ERC2: variants seen among roughly 807,000 people sequenced by gnomAD.
ERC2 encodes the protein ERC protein 2.
ERC2 carries 42 observed loss-of-function variants against 114.8 expected under a neutral mutation model. The ratio of observed to expected loss-of-function variants is 0.37; its 90% CI spans 0.29 to 0.47. The LOEUF (loss-of-function observed/expected upper bound fraction) is 0.47, where lower values mean the gene tolerates loss of function less well. Ranked by LOEUF, ERC2 falls within the 20% of genes least tolerant of loss-of-function variation. The pLI is 0.99. For synonymous variants in ERC2, 454 were observed against 425.5 expected, an observed-to-expected ratio of 1.07 and a Z score of -0.82; for missense variants, 939 against 1,150.7, an observed-to-expected ratio of 0.82 and a Z score of 2.66.
At chr3:55,564,554 A>T (rs891834326) in intron 17 of ERC2, among the ~76,000 whole-genome samples, 1 of 152,186 alleles carries the variant, frequency 6.6e-6, no homozygotes, top group Non-Finnish European at 1.5e-5. Context: ...TGTCCACTCC[A>T]CTAAGTACAC....
chr3:56,185,494 G>A (rs532501896), intron 3 of ERC2, among the ~76,000 whole-genome samples: 8 of 152,184 alleles, frequency 5.3e-5, no homozygotes, highest in Non-Finnish European at 1.0e-4. Context: ...TATACCCAGA[G>A]CCTCATCCAT....
intron 12 of ERC2, among the ~76,000 whole-genome samples, chr3:55,981,121 A>G (rs1576443729): frequency 6.6e-6 from 1 of 152,258 alleles, no homozygotes; most frequent in East Asian, 1.9e-4. Context: ...CTACGCCTCA[A>G]GGGTTCAAAA....
At chr3:55,911,235 C>A (rs1237641411) in intron 13 of ERC2, among the ~76,000 whole-genome samples, 3 of 152,144 alleles carry the variant, frequency 2.0e-5, no homozygotes, top group Admixed American at 2.0e-4. Context: ...GGGAAATAAA[C>A]CCAAATTGCT....
chr3:56,448,946 G>C (rs1174003358), intron 1 of ERC2, among the ~76,000 whole-genome samples: 1 of 151,900 alleles, frequency 6.6e-6, no homozygotes, highest in Non-Finnish European at 1.5e-5. Flanking sequence ...GTGGTGGCAG[G>C]CGCCTGTAGT....
chr3:56,299,131 G>GTTTTTTTTT (rs2055680582), intron 2 of ERC2, among the ~76,000 whole-genome samples: 11 of 63,258 alleles, frequency 1.7e-4, no homozygotes, highest in African/African-American at 7.8e-4. Flanking sequence ...TTTTTTTTTT[G>GTTTTTTTTT]TTTGTTTGTT....
intron 1 of ERC2, among the ~76,000 whole-genome samples, chr3:56,465,321 C>T (rs2063494030): frequency 6.6e-6 from 1 of 152,198 alleles, no homozygotes; most frequent in African/African-American, 2.4e-5. Context: ...ATCACTTGAA[C>T]CCGGGAGGCA....
Position 56,139,498 on chromosome 3 carries a change from G to A in ERC2, c.1473+11C>T. The stretch of plus-strand genomic sequence containing the variant: ...GTCTCTGCTGTCTAGAATCCTGAGA[G>A]AGTGCCTTACCTCAGTCTGAAGGAT... On this transcript the variant is annotated intron_variant, in intron 6 of 17. Coordinates refer to ENST00000288221, the MANE Select transcript of ERC2 (RefSeq NM_015576.3). The A allele has an allele frequency of 6.2e-7, 1 of 1,603,454 alleles. No homozygotes were observed. Among genetic ancestry groups the A allele is most frequent in the Non-Finnish European group, 8.5e-7 (1 of 1,173,844 alleles).
chr3:55,989,418 G>T (rs781225630), intron 11 of ERC2, among the ~76,000 whole-genome samples: 1 of 152,150 alleles, frequency 6.6e-6, no homozygotes, highest in Admixed American at 6.5e-5. Context: ...GTTCTGGGGG[G>T]CTGGTTTAGC....
At chr3:55,750,578 G>A (rs1262434589) in intron 14 of ERC2, among the ~76,000 whole-genome samples, 1 of 152,178 alleles carries the variant, frequency 6.6e-6, no homozygotes, top group East Asian at 1.9e-4. Context: ...TGAGTATGAA[G>A]GGAGGGTAGG....
chr3:56,358,501 C>A (rs1423865160), intron 2 of ERC2, among the ~76,000 whole-genome samples: 2 of 152,180 alleles, frequency 1.3e-5, no homozygotes, highest in African/African-American at 4.8e-5. Context: ...GTTAATAGGT[C>A]AAAAGCCTAC....
chr3:55,966,744 C>G (rs1057501028), intron 12 of ERC2, among the ~76,000 whole-genome samples: 18 of 152,090 alleles, frequency 1.2e-4, no homozygotes, highest in Non-Finnish European at 1.9e-4. Flanking sequence ...TCAGAGCTAA[C>G]CATGATAATC....
chr3:55,561,428 CG>C (rs2056011600), intron 17 of ERC2, among the ~76,000 whole-genome samples: 1 of 152,080 alleles, frequency 6.6e-6, no homozygotes, highest in African/African-American at 2.4e-5. Context: ...ACTTGGCAAA[CG>C]GGGCTCCAAG....
chr3:56,329,696 C>T (rs929986840), intron 2 of ERC2, among the ~76,000 whole-genome samples: 1 of 152,002 alleles, frequency 6.6e-6, no homozygotes, highest in Non-Finnish European at 1.5e-5. Flanking sequence ...AGATGGAGAC[C>T]TAATCACAGG....
chr3:55,793,289 T>A (rs1003427291), intron 14 of ERC2, among the ~76,000 whole-genome samples: 1 of 152,206 alleles, frequency 6.6e-6, no homozygotes, highest in Non-Finnish European at 1.5e-5. Context: ...GAACTCCTGG[T>A]TTAGCCTTCT....
intron 14 of ERC2, among the ~76,000 whole-genome samples, chr3:55,818,188 G>A (rs1421311084): frequency 1.3e-5 from 2 of 152,166 alleles, no homozygotes; most frequent in Non-Finnish European, 2.9e-5. Context: ...ACATTATGGT[G>A]ACATTTATGC....
At chr3:56,312,127 T>C (rs981499840) in intron 2 of ERC2, among the ~76,000 whole-genome samples, 2 of 152,090 alleles carry the variant, frequency 1.3e-5, no homozygotes, top group East Asian at 3.9e-4. Context: ...GTCCACAGAT[T>C]TTGGTATCTG....
intron 17 of ERC2, among the ~76,000 whole-genome samples, chr3:55,637,772 G>A (rs1009441931): frequency 1.3e-5 from 2 of 152,042 alleles, no homozygotes; most frequent in African/African-American, 4.8e-5. Flanking sequence ...CACTGTAGGT[G>A]TTTATTACAT....
At chr3:56,405,440 A>G (rs1006677358) in intron 2 of ERC2, among the ~76,000 whole-genome samples, 3 of 152,186 alleles carry the variant, frequency 2.0e-5, no homozygotes, top group Non-Finnish European at 4.4e-5. Flanking sequence ...AAAGGAAAAA[A>G]AAAAAGAAGG....
intron 17 of ERC2, among the ~76,000 whole-genome samples, chr3:55,541,536 T>G (rs2054394586): frequency 2.0e-5 from 3 of 152,238 alleles, no homozygotes; most frequent in Admixed American, 2.0e-4. Context: ...GTCATTCCCA[T>G]TCTTGGCTCT....
Sources: allele counts gnomAD v4.1 joint callset (sites outside exome capture counted in the v4.1 genomes callset), GRCh38; gene constraint gnomAD v4.1.1; transcripts MANE v1.5; gene names NCBI Gene and HGNC (gene_info 2026-07-23, HGNC 2026-07-21).